Variants in HYDIN observed in about 807,000 individuals in gnomAD.
HYDIN encodes the protein axonemal central pair apparatus protein HYDIN.
HYDIN carries 132 observed loss-of-function variants against 403.9 expected under a neutral mutation model. The observed-to-expected ratio is 0.33, with a 90% CI of 0.28 to 0.38. The LOEUF is 0.38. Among genes scored for constraint, HYDIN ranks in the 10% least tolerant of loss-of-function variants. HYDIN has a pLI of 1.00. For synonymous variants in HYDIN, 1,202 were observed against 1,891.7 expected, an observed-to-expected ratio of 0.64 and a Z score of 9.46; for missense variants, 2,827 against 5,009.5, an observed-to-expected ratio of 0.56 and a Z score of 13.15.
intron 28 of HYDIN, among the ~76,000 whole-genome samples, chr16:70,984,484 T>C (rs944655000): frequency 3.4e-5 from 5 of 146,270 alleles, no homozygotes; most frequent in African/African-American, 1.3e-4. Context: ...TTAAGATGTA[T>C]TTCTAAAGCC....
intron 78 of HYDIN, among the ~76,000 whole-genome samples, chr16:70,834,989 T>TACACACAC (rs1567678041): frequency 6.9e-6 from 1 of 144,392 alleles, no homozygotes; most frequent in East Asian, 2.0e-4. Flanking sequence ...TATATATATA[T>TACACACAC]ATACACACAT....
At chr16:71,182,024 A>C (rs1347806081) in intron 3 of HYDIN, among the ~76,000 whole-genome samples, 1 of 152,154 alleles carries the variant, frequency 6.6e-6, no homozygotes, top group Non-Finnish European at 1.5e-5. Flanking sequence ...AGCAAGTCAC[A>C]CTAAGATTTT....
chr16:71,210,828 T>C (rs1045187989), intron 1 of HYDIN, among the ~76,000 whole-genome samples: 8 of 152,078 alleles, frequency 5.3e-5, no homozygotes, highest in Admixed American at 6.5e-5. Flanking sequence ...TGCAACTGTA[T>C]TGATTTCAAA....
chr16:70,847,810 TTTAA>T (rs930719134), intron 75 of HYDIN, among the ~76,000 whole-genome samples: 2 of 152,254 alleles, frequency 1.3e-5, no homozygotes, highest in Middle Eastern at 3.4e-3. Context: ...TTTCTGGATA[TTTAA>T]TTGTTTTCAT....
At chr16:70,845,474 T>C (rs2038136171) in intron 75 of HYDIN, among the ~76,000 whole-genome samples, 1 of 111,654 alleles carries the variant, frequency 9.0e-6, no homozygotes, top group Non-Finnish European at 1.7e-5. Context: ...TGCATCAATG[T>C]TCATCAAGGA....
intron 23 of HYDIN, among the ~76,000 whole-genome samples, chr16:71,000,766 C>T (rs2144072014): frequency 6.6e-6 from 1 of 152,038 alleles, no homozygotes; most frequent in South Asian, 2.1e-4. Context: ...CCCACCGCAG[C>T]AGAAGAGGAG....
intron 35 of HYDIN, among the ~76,000 whole-genome samples, 187 bp downstream of exon 35, chr16:70,973,156 C>T (rs1192071726): frequency 6.6e-6 from 1 of 152,188 alleles, no homozygotes; most frequent in African/African-American, 2.4e-5. Context: ...ATGTGTTAGT[C>T]CAATGATTCC....
Position 71,010,383 on chromosome 16 carries a change from G to A in HYDIN, c.3644+7746C>T, listed in dbSNP as rs201137046. ...GCTTAGATCAGTGAGAGGTACCTGCGGCCCTTGGACCCTGTGAGACCTCCC... is the reference window on the plus strand; with the variant it reads ...GCTTAGATCAGTGAGAGGTACCTGCAGCCCTTGGACCCTGTGAGACCTCCC... On this transcript the variant is annotated intron_variant, in intron 23 of 85. Transcript: ENST00000393567. Among the ~76,000 whole-genome samples the A allele has an allele frequency of 4.0e-4, 61 of 152,212 alleles. 1 individual carries two copies. Among genetic ancestry groups the A allele is most frequent in the East Asian group, 2.5e-3 (13 of 5,174 alleles).
intron 43 of HYDIN, among the ~76,000 whole-genome samples, chr16:70,941,006 T>TTG (rs890556862): frequency 6.6e-5 from 10 of 150,886 alleles, no homozygotes; most frequent in Non-Finnish European, 1.2e-4. Context: ...CTAACATTAC[T>TTG]TGTGTGTGTG....
intron 10 of HYDIN, chr16:71,113,350 C>G (rs559571671): frequency 1.3e-5 from 2 of 150,812 alleles, no homozygotes; most frequent in East Asian, 3.9e-4. Context: ...ATTTTACTAT[C>G]TACATGTTTT....
chr16:71,140,861 T>TA (rs1433153955), intron 7 of HYDIN, among the ~76,000 whole-genome samples: 2 of 151,090 alleles, frequency 1.3e-5, no homozygotes, highest in Admixed American at 1.3e-4. Flanking sequence ...TGAATAAAAA[T>TA]AGCTAATCAT....
intron 19 of HYDIN, among the ~76,000 whole-genome samples, chr16:71,029,003 T>C (rs1279601091): frequency 6.6e-6 from 1 of 150,850 alleles, no homozygotes; most frequent in African/African-American, 2.4e-5. Context: ...CCAGTCATGA[T>C]AAGTATATTT....
At chr16:71,132,793 A>G (rs2084763709) in intron 8 of HYDIN, 1 of 151,890 alleles carries the variant, frequency 6.6e-6, no homozygotes, top group African/African-American at 2.4e-5. Flanking sequence ...CCTCTGATGG[A>G]GAATTGGAGC....
intron 1 of HYDIN, among the ~76,000 whole-genome samples, chr16:71,204,291 A>T (rs1040473252): frequency 1.3e-5 from 2 of 152,224 alleles, no homozygotes; most frequent in Non-Finnish European, 2.9e-5. Flanking sequence ...AAATGCTTAG[A>T]ATTCTTTTAA....
At chr16:71,168,739 C>T (rs2086346908) in intron 5 of HYDIN, among the ~76,000 whole-genome samples, 1 of 152,152 alleles carries the variant, frequency 6.6e-6, no homozygotes. Context: ...AGGGACAGGT[C>T]ACCTCCTGCT....
intron 18 of HYDIN, among the ~76,000 whole-genome samples, chr16:71,047,053 T>C (rs1056790159): frequency 6.6e-6 from 1 of 152,154 alleles, no homozygotes; most frequent in Non-Finnish European, 1.5e-5. Flanking sequence ...TTTGTAATGA[T>C]AGGTGCTAGC....
chr16:71,222,317 G>A (rs2040839612), intron 1 of HYDIN, among the ~76,000 whole-genome samples: 1 of 152,058 alleles, frequency 6.6e-6, no homozygotes, highest in Non-Finnish European at 1.5e-5. Flanking sequence ...AACAAAATAA[G>A]CATAGAAGGG....
intron 8 of HYDIN, among the ~76,000 whole-genome samples, chr16:71,136,724 G>A (rs887186533): frequency 1.9e-4 from 27 of 140,278 alleles, no homozygotes; most frequent in African/African-American, 6.1e-4. Context: ...CTGAGATCGC[G>A]CCACTGCACA....
intron 1 of HYDIN, among the ~76,000 whole-genome samples, 176 bp from the exon 2 acceptor site, chr16:71,187,094 T>A (rs1028414452): frequency 6.6e-6 from 1 of 152,098 alleles, no homozygotes; most frequent in African/African-American, 2.4e-5. Flanking sequence ...ACTAGATTTA[T>A]CCTTCTCCCA....
Sources: allele counts gnomAD v4.1 joint callset (sites outside exome capture counted in the v4.1 genomes callset), GRCh38; gene constraint gnomAD v4.1.1; transcripts MANE v1.5; gene names NCBI Gene and HGNC (gene_info 2026-07-23, HGNC 2026-07-21).